WFDC8: variants seen among roughly 807,000 people sequenced by gnomAD.
WFDC8 encodes WAP four-disulfide core domain 8.
Under a neutral mutation model 27.0 loss-of-function variants are expected in WFDC8, and 24 were observed. The observed-to-expected ratio is 0.89, with a 90% CI of 0.64 to 1.25. The LOEUF (loss-of-function observed/expected upper bound fraction) is 1.25. Ranked by LOEUF, WFDC8 falls within the 50% of genes most tolerant of loss-of-function variation. WFDC8 has a pLI of 0.00. For synonymous variants in WFDC8, 106 were observed against 99.7 expected (o/e 1.06, Z -0.38); for missense variants, 287 against 295.9 (o/e 0.97, Z 0.22).
At position 45,552,010 on chromosome 20, in the gene WFDC8, A is replaced by C. The variant is rs1320657826; in HGVS notation, c.*16T>G. The C allele has an allele frequency of 1.9e-6, 3 of 1,612,162 alleles. No homozygotes were observed. Among genetic ancestry groups the C allele is most frequent in the Non-Finnish European group, 1.7e-6 (2 of 1,179,258 alleles). On this transcript the variant is annotated 3_prime_UTR_variant, in exon 6 of 6. Transcript: ENST00000289953. The stretch of plus-strand genomic sequence containing the variant: ...CATAATTAATGATTTTGATGATAAT[A>C]TTTTCTACTTACTATTCAACGTCTG...
Position 45,562,119 on chromosome 20 carries a change from T to G in WFDC8, c.127A>C (p.Lys43Gln). Residue 43 changes from lysine (K) to glutamine (Q), a missense_variant, in exon 2 of 6, where the codon AAG becomes CAG. By Grantham distance (53) the Lys-to-Gln change is moderately conservative (BLOSUM62 1). Coordinates refer to ENST00000289953, the MANE Select transcript of WFDC8 (RefSeq NM_130896.3). ...LEWTSAMLTKKIKHKPGLCPK... is the reference protein window; with the variant it reads ...LEWTSAMLTKQIKHKPGLCPK... ...GCTTTTTTGAACTCACGTTTGATCT[T>G]CTTGGTCAGCATTGCAGAAGTCCAC... 1 of 1,613,996 alleles carries G rather than the reference T, an allele frequency of 6.2e-7. No individual in the cohort carries two copies. The highest frequency in any genetic ancestry group is 1.1e-5 in the South Asian group (1 of 91,070).
At chr20:45,563,289 A>T (rs1980535691) in intron 1 of WFDC8, among the ~76,000 whole-genome samples, 1 of 152,206 alleles carries the variant, frequency 6.6e-6, no homozygotes, top group South Asian at 2.1e-4. Flanking sequence ...CAATTTCCTC[A>T]TCTGGAAAAT....
intron 4 of WFDC8, among the ~76,000 whole-genome samples, chr20:45,554,984 A>G (rs6032301): frequency 1.3e-5 from 2 of 151,904 alleles, no homozygotes; most frequent in African/African-American, 2.4e-5. Context: ...CACCATCTCA[A>G]TTGTTACCGT....
intron 1 of WFDC8, among the ~76,000 whole-genome samples, chr20:45,565,724 G>A (rs1042491191): frequency 3.3e-5 from 5 of 152,190 alleles, no homozygotes; most frequent in African/African-American, 1.2e-4. Flanking sequence ...AAGCCACTGT[G>A]CCTTTTGCTG....
At chr20:45,560,506 T>G (rs1236257733) in intron 2 of WFDC8, among the ~76,000 whole-genome samples, 1 of 152,206 alleles carries the variant, frequency 6.6e-6, no homozygotes, top group Non-Finnish European at 1.5e-5. Flanking sequence ...AAACTGAGCA[T>G]CCCTCCAGTG....
chr20:45,575,358 C>T (rs557063641), intron 1 of WFDC8, among the ~76,000 whole-genome samples: 103 of 152,140 alleles, frequency 6.8e-4, no homozygotes, highest in Middle Eastern at 3.4e-3. Context: ...CAAAAATCAG[C>T]GGCATTTCTA....
At chr20:45,557,949 C>T (rs1980327869) in intron 3 of WFDC8, among the ~76,000 whole-genome samples, 1 of 152,172 alleles carries the variant, frequency 6.6e-6, no homozygotes, top group Non-Finnish European at 1.5e-5. Flanking sequence ...CCTAGAACAT[C>T]TGTATCAACC....
At chr20:45,557,549 C>T (rs1980307596) in intron 3 of WFDC8, among the ~76,000 whole-genome samples, 1 of 152,140 alleles carries the variant, frequency 6.6e-6, no homozygotes, top group Non-Finnish European at 1.5e-5. Context: ...TCTCCTGCCT[C>T]AGCCTCCTGA....
rs184270719 is a variant in WFDC8, at chr20:45,577,085, G to A, written c.26+2137C>T. ...TGGCAAAAAATTTGAGTCCCCCAACGTACACATTCCCAGCTGAAGTCAAAC... is the reference window on the plus strand; with the variant it reads ...TGGCAAAAAATTTGAGTCCCCCAACATACACATTCCCAGCTGAAGTCAAAC... On this transcript the variant is annotated intron_variant, in intron 1 of 5. Transcript: ENST00000289953. 1.6e-3 allele frequency among the ~76,000 whole-genome samples: 238 copies of A among 151,462 alleles called. 7 individuals carry two copies. The highest frequency in any genetic ancestry group is 6.9e-3 in the East Asian group (36 of 5,180).
intron 4 of WFDC8, 88 bp downstream of exon 4, chr20:45,555,613 T>C (rs1980211238): frequency 6.7e-7 from 1 of 1,498,554 alleles, no homozygotes; most frequent in Admixed American, 1.8e-5. Flanking sequence ...ACCAAGGAAC[T>C]TTAACCTCAA....
intron 4 of WFDC8, among the ~76,000 whole-genome samples, chr20:45,554,418 G>A (rs6073780): frequency 6.6e-6 from 1 of 152,128 alleles, no homozygotes; most frequent in African/African-American, 2.4e-5. Flanking sequence ...AGTCAGATTA[G>A]GGCTGGAGAC....
Position 45,579,276 on chromosome 20 carries a change from C to T in WFDC8, c.-29G>A, listed in dbSNP as rs958857205. ...GCCTCTTCCCTATGGAGACAGCTTC[C>T]TCACTTTGCTCCAGCTCTAAGGCTC... On this transcript the variant is annotated 5_prime_UTR_variant, in exon 1 of 6. Transcript: ENST00000289953. 6.2e-7 allele frequency: 1 copy of T among 1,613,848 alleles called. No homozygotes were observed. Among genetic ancestry groups the T allele is most frequent in the Non-Finnish European group, 8.5e-7 (1 of 1,179,878 alleles).
chr20:45,573,713 A>G (rs1176730318), intron 1 of WFDC8, among the ~76,000 whole-genome samples: 1 of 152,142 alleles, frequency 6.6e-6, no homozygotes, highest in African/African-American at 2.4e-5. Context: ...ATGGTGTGCA[A>G]TAAGGGTTCA....
At chr20:45,553,752 C>G (rs1383472717) in intron 4 of WFDC8, among the ~76,000 whole-genome samples, 2 of 151,994 alleles carry the variant, frequency 1.3e-5, no homozygotes, top group African/African-American at 4.8e-5. Flanking sequence ...TTGGGGTAAT[C>G]CAAGTAAGAA....
chr20:45,571,374 ATTTAT>A (rs1206693939), intron 1 of WFDC8, among the ~76,000 whole-genome samples: 1 of 152,048 alleles, frequency 6.6e-6, no homozygotes, highest in Non-Finnish European at 1.5e-5. Context: ...AATAATAATT[ATTTAT>A]ATTTATGTGC....
chr20:45,557,870 A>C (rs1980323019), intron 3 of WFDC8, among the ~76,000 whole-genome samples: 1 of 152,210 alleles, frequency 6.6e-6, no homozygotes, highest in Non-Finnish European at 1.5e-5. Context: ...ACAGCCCCTG[A>C]TGTCTGAAAA....
At chr20:45,557,108 C>T (rs1980288307) in intron 3 of WFDC8, among the ~76,000 whole-genome samples, 1 of 152,212 alleles carries the variant, frequency 6.6e-6, no homozygotes, top group Admixed American at 6.5e-5. Flanking sequence ...GCCAATTCTT[C>T]TCTGCCACAA....
At chr20:45,563,487 C>A (rs957218456) in intron 1 of WFDC8, among the ~76,000 whole-genome samples, 1 of 152,170 alleles carries the variant, frequency 6.6e-6, no homozygotes, top group Non-Finnish European at 1.5e-5. Flanking sequence ...CTTCACTGAG[C>A]CTCAATTTGT....
chr20:45,573,459 A>G (rs549609799), intron 1 of WFDC8, among the ~76,000 whole-genome samples: 177 of 151,560 alleles, frequency 1.2e-3, no homozygotes, highest in African/African-American at 4.2e-3. Flanking sequence ...GCCCTCCTAC[A>G]CTCCGCCCTT....
Sources: allele counts gnomAD v4.1 joint callset (sites outside exome capture counted in the v4.1 genomes callset), GRCh38; gene constraint gnomAD v4.1.1; transcripts MANE v1.5; gene names NCBI Gene and HGNC (gene_info 2026-07-23, HGNC 2026-07-21).